Variants in GGA2 observed in about 807,000 individuals in gnomAD.
The protein encoded by GGA2 is ADP-ribosylation factor-binding protein GGA2.
A neutral mutation model predicts 79.5 loss-of-function variants in GGA2; 48 were observed. That is an observed-to-expected ratio of 0.60 (90% CI 0.48 to 0.77). The LOEUF (loss-of-function observed/expected upper bound fraction) is 0.77, where lower values mean the gene tolerates loss of function less well. Among genes scored for constraint, GGA2 ranks in the 30% least tolerant of loss-of-function variants. The pLI, the probability that GGA2 is intolerant of heterozygous loss-of-function variation, is 0.00. For missense variants in GGA2, 770 were observed against 774.0 expected, an observed-to-expected ratio of 0.99 and a Z score of 0.06; for synonymous variants, 317 against 302.0, an observed-to-expected ratio of 1.05 and a Z score of -0.51.
intron 14 of GGA2, among the ~76,000 whole-genome samples, chr16:23,473,482 G>A (rs1964540541): frequency 1.3e-5 from 2 of 151,594 alleles, no homozygotes; most frequent in African/African-American, 2.4e-5. Context: ...GATTACAGGT[G>A]TACATTACCA....
intron 9 of GGA2, among the ~76,000 whole-genome samples, 156 bp downstream of exon 9, chr16:23,482,767 C>T (rs1465059660): frequency 6.6e-6 from 1 of 152,194 alleles, no homozygotes; most frequent in Non-Finnish European, 1.5e-5. Flanking sequence ...TGCTGGAAGT[C>T]AGTTCTGAGG....
chr16:23,485,916 G>T lies in GGA2; in HGVS notation c.798+99C>A, dbSNP rs1026084148. ...TGGGGAGGTGTCAGATATGTTTACCGTCTTGACTCTGAGATGGCTTCATGG... is the reference window on the plus strand; with the variant it reads ...TGGGGAGGTGTCAGATATGTTTACCTTCTTGACTCTGAGATGGCTTCATGG... On this transcript the variant is annotated intron_variant, in intron 8 of 16. Coordinates refer to ENST00000309859, the MANE Select transcript of GGA2 (RefSeq NM_015044.4). 1.4e-5 allele frequency: 16 copies of T among 1,111,644 alleles called. No individual in the cohort carries two copies. In the East Asian group the frequency reaches 3.6e-4, roughly 25 times the overall value. 68.9% of individuals were successfully genotyped at this position (1,111,644 alleles called of 1,614,324 possible).
At chr16:23,485,505 T>G (rs1964700503) in intron 8 of GGA2, among the ~76,000 whole-genome samples, 1 of 152,186 alleles carries the variant, frequency 6.6e-6, no homozygotes, top group Non-Finnish European at 1.5e-5. Context: ...GCATATGACC[T>G]AGTAATCCCA....
Position 23,470,143 on chromosome 16 carries a change from C to A in GGA2, c.1473G>T (p.Val491=). 1 of 1,604,910 alleles carries A rather than the reference C, an allele frequency of 6.2e-7. No homozygotes were observed. The highest frequency in any genetic ancestry group is 8.5e-7 in the Non-Finnish European group (1 of 1,176,358). ...VKPSSLPPLI[V]YDRNGFRILL... is the part of the protein sequence containing the mutation. ...GAATTCTGAATCCATTCCGGTCATACACAATGAGAGGCGGCAGGCTGCCTG... is the reference window on the plus strand; with the variant it reads ...GAATTCTGAATCCATTCCGGTCATAAACAATGAGAGGCGGCAGGCTGCCTG... Residue 491 remains valine, a synonymous_variant, in exon 15 of 17, where the codon GTG becomes GTT. Transcript: ENST00000309859.
At chr16:23,494,507 G>T in intron 2 of GGA2, 129 bp from the exon 3 acceptor site, 1 of 725,720 alleles carries the variant, frequency 1.4e-6, no homozygotes, top group Middle Eastern at 3.6e-4. Flanking sequence ...GAGCGTGCCT[G>T]ACAAACAGGC....
At chr16:23,473,229 G>A (rs1042786874) in intron 14 of GGA2, among the ~76,000 whole-genome samples, 1 of 148,428 alleles carries the variant, frequency 6.7e-6, no homozygotes, top group African/African-American at 2.5e-5. Context: ...AGAACTGTAT[G>A]TACATATATA....
chr16:23,504,976 C>T (rs958351723), intron 1 of GGA2, among the ~76,000 whole-genome samples: 2 of 152,154 alleles, frequency 1.3e-5, no homozygotes, highest in African/African-American at 4.8e-5. Context: ...CCCACGTCAG[C>T]TGCCAACCAA....
At position 23,493,449 on chromosome 16, in the gene GGA2, T is replaced by C. The variant is rs748138963; in HGVS notation, c.262A>G (p.Met88Val). Residue 88 changes from methionine (M) to valine (V), a missense_variant, in exon 4 of 17, where the codon ATG becomes GTG. Physicochemically the swap from Met to Val is conservative, Grantham distance 21 (BLOSUM62 1). Transcript: ENST00000309859. ...TTCTCCCCACAGTGGTTCATGCACA[T>C]CTCCAGCACCTGCACAGACACAGGA... ...EALYALTVLE[M>V]CMNHCGEKFH... 3.1e-6 allele frequency: 5 copies of C among 1,608,010 alleles called. No homozygotes were observed. The South Asian group carries it at 4.4e-5, about 14-fold the overall frequency.
intron 1 of GGA2, among the ~76,000 whole-genome samples, chr16:23,497,211 C>T (rs1421585018): frequency 2.0e-5 from 3 of 152,124 alleles, no homozygotes; most frequent in Admixed American, 6.6e-5. Flanking sequence ...GACAGAGCAG[C>T]TCTTTTAGGC....
chr16:23,488,440 T>G (rs1964742352), intron 6 of GGA2, among the ~76,000 whole-genome samples, 166 bp downstream of exon 6: 1 of 152,166 alleles, frequency 6.6e-6, no homozygotes, highest in Non-Finnish European at 1.5e-5. Context: ...GACTTATCCA[T>G]GAAGAACGCA....
chr16:23,502,922 A>G (rs1335057592), intron 1 of GGA2, among the ~76,000 whole-genome samples: 2 of 152,162 alleles, frequency 1.3e-5, no homozygotes, highest in African/African-American at 4.8e-5. Context: ...CACCAATGTG[A>G]GATGTCAGAT....
chr16:23,475,189 CTTT>C (rs370261106), intron 13 of GGA2, 128 bp from the exon 14 acceptor site: 5,731 of 315,876 alleles, frequency 0.018, no homozygotes, highest in South Asian at 0.029. Context: ...TGTTATATGC[CTTT>C]TTTTTTTTTT....
At chr16:23,516,888 T>C (rs1965106470) in intron 2 of GGA2, among the ~76,000 whole-genome samples, 1 of 152,076 alleles carries the variant, frequency 6.6e-6, no homozygotes. Context: ...CCAGCTGACA[T>C]GAAGGAGGAA....
At chr16:23,522,370 CAACAACAA>C (rs1965153012), upstream of GGA2, 1 of 153,310 alleles carries the variant, frequency 6.5e-6, no homozygotes, top group Non-Finnish European at 1.5e-5. Flanking sequence ...GAGAAATTAA[CAACAACAA>C]AACGGCTGTA....
Position 23,519,740 on chromosome 16 carries a change from T to A in GGA2, c.9-101A>T. On this transcript the variant is annotated intron_variant, in intron 1 of 5. Transcript: ENST00000569300. Reference sequence around the variant, plus strand: ...TGGCTGCCTTTGGTCCCAACAGGTTTCTAGGTACAGATTCCATTCTTTTGT... The same window carrying A: ...TGGCTGCCTTTGGTCCCAACAGGTTACTAGGTACAGATTCCATTCTTTTGT... 5 of 251,384 alleles carry A rather than the reference T, an allele frequency of 2.0e-5. 1 individual carries two copies. The highest frequency in any genetic ancestry group is 1.5e-4 in the South Asian group (5 of 32,870). 15.6% of individuals were successfully genotyped at this position (251,384 alleles called of 1,614,324 possible).
intron 14 of GGA2, among the ~76,000 whole-genome samples, chr16:23,472,196 T>C (rs1415264941): frequency 1.4e-5 from 2 of 140,282 alleles, no homozygotes; most frequent in Non-Finnish European, 3.1e-5. Context: ...TTTTTTTTTT[T>C]TTTTTTTTTT....
chr16:23,507,640 A>T (rs112778294), intron 1 of GGA2, among the ~76,000 whole-genome samples: 1,590 of 151,128 alleles, frequency 0.011, 23 homozygotes, highest in African/African-American at 0.037. Flanking sequence ...TCTCTCTCTC[A>T]CACACACAAA....
intron 13 of GGA2, 110 bp downstream of exon 13, chr16:23,478,258 T>C (rs971267325): frequency 2.8e-6 from 2 of 703,746 alleles, no homozygotes; most frequent in African/African-American, 3.7e-5. Flanking sequence ...GAAAGATGTT[T>C]CTCCAGGGCG....
intron 13 of GGA2, among the ~76,000 whole-genome samples, chr16:23,475,894 C>T (rs1443843617): frequency 6.6e-6 from 1 of 151,842 alleles, no homozygotes; most frequent in African/African-American, 2.4e-5. Context: ...CACACTACTG[C>T]ACTCCAGCCT....
Sources: gnomAD v4.1 joint callset for allele counts (sites outside exome capture counted in the v4.1 genomes callset) on GRCh38, gnomAD v4.1.1 for gene constraint, MANE v1.5 for transcripts, NCBI Gene and HGNC (gene_info 2026-07-23, HGNC 2026-07-21) for gene names.